Variants in MAST4 observed in about 807,000 individuals in gnomAD.
MAST4 encodes the protein microtubule-associated serine/threonine-protein kinase 4.
MAST4 carries 89 observed loss-of-function variants against 162.7 expected under a neutral mutation model. That is an observed-to-expected ratio of 0.55 (90% CI 0.46 to 0.65). The LOEUF (loss-of-function observed/expected upper bound fraction) is 0.65. Among genes scored for constraint, MAST4 ranks in the 30% least tolerant of loss-of-function variants. MAST4 has a pLI of 0.00. For synonymous variants in MAST4, 1,479 were observed against 1,361.1 expected (o/e 1.09, Z -1.91); for missense variants, 3,153 against 3,374.0 (o/e 0.93, Z 1.62).
chr5:66,826,438 G>C (rs1463177405), intron 3 of MAST4, among the ~76,000 whole-genome samples: 1 of 152,090 alleles, frequency 6.6e-6, no homozygotes, highest in Non-Finnish European at 1.5e-5. Flanking sequence ...ATGCACGTCA[G>C]CTGACATTTT....
chr5:67,010,954 C>G lies in MAST4; in HGVS notation c.675-43450C>G, dbSNP rs574565178. Among the ~76,000 whole-genome samples the G allele has an allele frequency of 1.8e-4, 28 of 152,272 alleles. No homozygotes were observed. The East Asian group carries it at 5.2e-3, about 28-fold the overall frequency. ...CAGCAGCGCAGCTATGATGGCCTTG[C>G]CTCTGCACATTCGTGGCTGGCCCGT... On this transcript the variant is annotated intron_variant, in intron 4 of 28. Coordinates refer to ENST00000403625, the MANE Select transcript of MAST4 (RefSeq NM_001164664.2).
chr5:66,758,407 T>G (rs1480586518), intron 1 of MAST4, among the ~76,000 whole-genome samples: 14 of 151,556 alleles, frequency 9.2e-5, no homozygotes, highest in Non-Finnish European at 2.9e-5. Flanking sequence ...ATATTTCTAT[T>G]TATTTAATTA....
Position 66,643,450 on chromosome 5 carries a change from AAAAAGAATT to A in MAST4, c.363+46439_363+46447del, listed in dbSNP as rs904849673. Among the ~76,000 whole-genome samples, 4 of 59,900 alleles carry A rather than the reference AAAAAGAATT, an allele frequency of 6.7e-5. No individual in the cohort carries two copies. In the African/African-American group the frequency reaches 7.8e-4, roughly 12 times the overall value. The allele number at this position is 59,900 out of a possible 152,430, so 39.3% of individuals were successfully genotyped here. A position where few individuals can be genotyped will look rare whatever the true frequency, so the allele number is the denominator to read the frequency against. Reference sequence around the variant, plus strand: ...CTGTCACATGTAAGTTCAAGGTAGCAAAAAGAATTAAAAGAGCCACAGTTTAAAACTGAA... The same window carrying A: ...CTGTCACATGTAAGTTCAAGGTAGCAAAAAGAGCCACAGTTTAAAACTGAA... On this transcript the variant is annotated intron_variant, in intron 1 of 28. Transcript: ENST00000403625.
At chr5:66,789,749 C>A (rs1229518702) in intron 3 of MAST4, 2 of 518,918 alleles carry the variant, frequency 3.9e-6, no homozygotes, top group Non-Finnish European at 7.7e-6. Context: ...CTTTCTCTCC[C>A]ACAATCTATG....
intron 4 of MAST4, among the ~76,000 whole-genome samples, chr5:67,049,020 T>TATGTATATATATATAC (rs1561576121): frequency 9.7e-6 from 1 of 102,918 alleles, no homozygotes; most frequent in African/African-American, 4.1e-5. Context: ...TATATATATA[T>TATGTATATATATATAC]ACGTATATAT....
intron 6 of MAST4, among the ~76,000 whole-genome samples, chr5:67,091,432 T>C (rs1030303405): frequency 6.6e-6 from 1 of 152,194 alleles, no homozygotes; most frequent in Non-Finnish European, 1.5e-5. Context: ...ATACACTGTT[T>C]TTACCCCCAG....
rs905543141 is a variant in MAST4 at position 66,994,145 on chromosome 5, G to A, written c.675-60259G>A. On this transcript the variant is annotated intron_variant, in intron 4 of 28. Transcript: ENST00000403625. ...GTGAGGAGCACCAAGAGGAAGGAAC[G>A]GTACCGCATTAATCTACACAAGAGA... Among the ~76,000 whole-genome samples the A allele has an allele frequency of 2.0e-5, 3 of 152,018 alleles. No homozygotes were observed. In the South Asian group the frequency reaches 6.2e-4, roughly 32 times the overall value.
chr5:66,703,786 A>T (rs1250320629), intron 1 of MAST4, among the ~76,000 whole-genome samples: 5 of 152,212 alleles, frequency 3.3e-5, no homozygotes, highest in Non-Finnish European at 7.3e-5. Context: ...AGGAGATCAA[A>T]TCAGGAGGAA....
intron 1 of MAST4, among the ~76,000 whole-genome samples, chr5:66,659,874 A>G (rs991390021): frequency 6.6e-6 from 1 of 152,204 alleles, no homozygotes; most frequent in Admixed American, 6.5e-5. Context: ...GTATCTTAGG[A>G]TGAGTAGGAG....
At chr5:66,702,371 G>A (rs903700867) in intron 1 of MAST4, among the ~76,000 whole-genome samples, 4 of 152,206 alleles carry the variant, frequency 2.6e-5, no homozygotes. Flanking sequence ...CTGACATTAG[G>A]GGTAGAGGGA....
intron 1 of MAST4, among the ~76,000 whole-genome samples, chr5:66,711,847 A>C (rs1299365295): frequency 6.6e-6 from 1 of 152,100 alleles, no homozygotes; most frequent in African/African-American, 2.4e-5. Context: ...ACCCCCCAAA[A>C]AAAGATGCTT....
intron 3 of MAST4, among the ~76,000 whole-genome samples, chr5:66,800,309 A>G (rs1755854441): frequency 6.6e-6 from 1 of 152,214 alleles, no homozygotes; most frequent in Non-Finnish European, 1.5e-5. Context: ...ACATTTTGGT[A>G]GATGGGATAA....
chr5:66,878,249 G>A (rs1209994595), intron 3 of MAST4, among the ~76,000 whole-genome samples: 1 of 152,230 alleles, frequency 6.6e-6, no homozygotes, highest in East Asian at 1.9e-4. Flanking sequence ...GATGTTCAAT[G>A]TCAATTCCTG....
At chr5:67,006,410 G>C (rs1200404522) in intron 4 of MAST4, among the ~76,000 whole-genome samples, 5 of 152,200 alleles carry the variant, frequency 3.3e-5, no homozygotes, top group African/African-American at 1.2e-4. Context: ...TGTCAACCAT[G>C]CACCAAACCT....
chr5:66,974,842 A>G (rs986404623), intron 4 of MAST4, among the ~76,000 whole-genome samples: 4 of 152,184 alleles, frequency 2.6e-5, no homozygotes, highest in African/African-American at 9.7e-5. Context: ...TTTTCAGAGA[A>G]TTTCTATTCT....
intron 4 of MAST4, among the ~76,000 whole-genome samples, chr5:67,053,545 A>G (rs759840650): frequency 6.6e-6 from 1 of 152,244 alleles, no homozygotes; most frequent in Non-Finnish European, 1.5e-5. Context: ...TATTGCTAAT[A>G]GAGAATGAAG....
chr5:66,872,910 C>A (rs1410370967), intron 3 of MAST4, among the ~76,000 whole-genome samples: 1 of 152,132 alleles, frequency 6.6e-6, no homozygotes, highest in East Asian at 1.9e-4. Context: ...TTTCTTTTGT[C>A]CTGTATTCAT....
At chr5:66,694,409 A>C (rs1371484832) in intron 1 of MAST4, among the ~76,000 whole-genome samples, 1 of 152,174 alleles carries the variant, frequency 6.6e-6, no homozygotes, top group African/African-American at 2.4e-5. Flanking sequence ...GTCACTTCCA[A>C]GCTACTGTTC....
chr5:66,711,325 C>T (rs541251034), intron 1 of MAST4, among the ~76,000 whole-genome samples: 1 of 152,300 alleles, frequency 6.6e-6, no homozygotes, highest in South Asian at 2.1e-4. Flanking sequence ...ATCAGTTTCA[C>T]TGGGCAAAAA....
Sources: gnomAD v4.1 joint callset for allele counts (sites outside exome capture counted in the v4.1 genomes callset) on GRCh38, gnomAD v4.1.1 for gene constraint, MANE v1.5 for transcripts, NCBI Gene and HGNC (gene_info 2026-07-23, HGNC 2026-07-21) for gene names.